CARMIL1: variants seen among roughly 807,000 people sequenced by gnomAD.
CARMIL1 encodes F-actin-uncapping protein LRRC16A.
A neutral mutation model predicts 177.1 loss-of-function variants in CARMIL1; 90 were observed. The ratio of observed to expected loss-of-function variants is 0.51; its 90% CI spans 0.43 to 0.61. The LOEUF (loss-of-function observed/expected upper bound fraction) is 0.61, where lower values mean the gene tolerates loss of function less well. CARMIL1 is among the 20% of genes least tolerant of loss of function. The pLI, the probability that CARMIL1 is intolerant of heterozygous loss-of-function variation, is 0.00. For missense variants in CARMIL1, 1,380 were observed against 1,667.0 expected, an observed-to-expected ratio of 0.83 and a Z score of 3.00; for synonymous variants, 577 against 606.2, an observed-to-expected ratio of 0.95 and a Z score of 0.71.
chr6:25,445,290 C>T (rs903049548), intron 5 of CARMIL1, among the ~76,000 whole-genome samples: 8 of 152,190 alleles, frequency 5.3e-5, no homozygotes, highest in East Asian at 1.9e-4. Context: ...TTGCTGTTTT[C>T]ACCATATCTG....
chr6:25,515,729 A>G lies in CARMIL1; in HGVS notation c.1687A>G (p.Ile563Val), dbSNP rs1221534622. The G allele has an allele frequency of 6.8e-6, 11 of 1,610,392 alleles. No homozygotes were observed. Among genetic ancestry groups the G allele is most frequent in the South Asian group, 3.3e-5 (3 of 89,800 alleles). ...GAAACTCAAGACTGAGGTCACCATC[A>G]TCATCAATGCCCTGGGAAGCAACAC... ...DSKLKTEVTI[I>V]INALGSNTSL... The change falls in exon 21 of 37, where the codon ATC becomes GTC. Residue 563 changes from isoleucine (I) to valine (V), a missense_variant. Coordinates refer to ENST00000329474, the MANE Select transcript of CARMIL1 (RefSeq NM_017640.6). This position sits in a 1 kb window ranked among gnomAD's most constrained non-coding sequence, Gnocchi z 5.0.
Position 25,594,527 on chromosome 6 carries a change from A to C in CARMIL1, c.3119A>C (p.Lys1040Thr), listed in dbSNP as rs1186521347. Reference sequence around the variant, plus strand: ...AAGAAGGTGACCAAAATGGATTCCAAGTGAGTTCAGAGTAATTTCACTGAT... The same window carrying C: ...AAGAAGGTGACCAAAATGGATTCCACGTGAGTTCAGAGTAATTTCACTGAT... Reference protein sequence around the residue: ...FTKKVTKMDSKKWSTRGSESH... With the variant: ...FTKKVTKMDSTKWSTRGSESH... The change falls in exon 32 of 37, where the codon AAG becomes ACG. Residue 1040 changes from lysine to threonine, a missense_variant and splice_region_variant. Physicochemically the swap from Lys to Thr is moderately conservative, Grantham distance 78. Coordinates refer to ENST00000329474, the MANE Select transcript of CARMIL1 (RefSeq NM_017640.6). 1 of 1,541,000 alleles carries C rather than the reference A, an allele frequency of 6.5e-7. No individual in the cohort carries two copies. Among genetic ancestry groups the C allele is most frequent in the African/African-American group, 1.4e-5 (1 of 73,570 alleles).
chr6:25,281,134 GCGCACACACACACA>G (rs1164418278), intron 1 of CARMIL1, among the ~76,000 whole-genome samples: 17 of 67,930 alleles, frequency 2.5e-4, no homozygotes, highest in African/African-American at 1.1e-3. Context: ...GTGTGCGCGC[GCGCACACACACACA>G]CACACACACA....
intron 2 of CARMIL1, chr6:25,383,746 T>C (rs1245199543): frequency 1.3e-5 from 2 of 152,236 alleles, no homozygotes; most frequent in Non-Finnish European, 1.5e-5. Context: ...CTTTGTATTA[T>C]GCAAAACTTC....
At chr6:25,604,584 C>G (rs200046889) in intron 33 of CARMIL1, among the ~76,000 whole-genome samples, 1 of 152,140 alleles carries the variant, frequency 6.6e-6, no homozygotes, top group African/African-American at 2.4e-5. Context: ...GGAACCAAAC[C>G]GGCCACACTT....
chr6:25,368,075 C>T (rs1790028658), intron 2 of CARMIL1, among the ~76,000 whole-genome samples: 1 of 152,186 alleles, frequency 6.6e-6, no homozygotes. Context: ...CAGACCTTTC[C>T]ACGTCAGCTG....
intron 19 of CARMIL1, 25 bp downstream of exon 19, chr6:25,510,631 T>C: frequency 6.6e-7 from 1 of 1,513,138 alleles, no homozygotes. Flanking sequence ...TTTTTTTATA[T>C]GACAATGATG....
chr6:25,300,115 A>T (rs1386510249), intron 2 of CARMIL1, among the ~76,000 whole-genome samples: 1 of 152,098 alleles, frequency 6.6e-6, no homozygotes, highest in Non-Finnish European at 1.5e-5. Flanking sequence ...TATCATATTT[A>T]GCTTCTAGAG....
Position 25,537,928 on chromosome 6 carries a change from A to G in CARMIL1, c.2141A>G (p.Gln714Arg). The change falls in exon 25 of 37, where the codon CAG becomes CGG. Residue 714 changes from glutamine (Q) to arginine (R), a missense_variant. By Grantham distance (43) the Gln-to-Arg change is conservative. Transcript: ENST00000329474. ...SLRNCGGDAI[Q>R]EDLKSAERLM... is the part of the protein sequence containing the mutation. ...CGAAATTGTGGGGGAGACGCTATCC[A>G]GGAAGATTTAAAATCAGCAGAGCGG... 1.2e-6 allele frequency: 2 copies of G among 1,606,948 alleles called. No homozygotes were observed. The highest frequency in any genetic ancestry group is 1.7e-6 in the Non-Finnish European group (2 of 1,176,708).
At chr6:25,540,924 C>T (rs1808827593) in intron 26 of CARMIL1, among the ~76,000 whole-genome samples, 1 of 152,020 alleles carries the variant, frequency 6.6e-6, no homozygotes, top group East Asian at 1.9e-4. Context: ...GAGTTTAATC[C>T]CCTGTCTTCC....
chr6:25,391,133 A>G (rs896436421), intron 2 of CARMIL1, among the ~76,000 whole-genome samples: 8 of 152,276 alleles, frequency 5.3e-5, no homozygotes, highest in African/African-American at 1.9e-4. Context: ...TAATTTAAAG[A>G]TAGCTATTTG....
intron 2 of CARMIL1, among the ~76,000 whole-genome samples, chr6:25,292,925 A>G (rs1647819789): frequency 6.6e-6 from 1 of 152,186 alleles, no homozygotes; most frequent in Non-Finnish European, 1.5e-5. Flanking sequence ...TCATAGTTAT[A>G]AAATAGTTAC....
chr6:25,359,323 G>A (rs946557114), intron 2 of CARMIL1, among the ~76,000 whole-genome samples: 16 of 152,304 alleles, frequency 1.1e-4, no homozygotes, highest in Admixed American at 9.8e-4. Context: ...TCATGACAGG[G>A]CAGGCTGATT....
At chr6:25,428,883 C>A (rs9348678) in intron 4 of CARMIL1, among the ~76,000 whole-genome samples, 15,421 of 152,178 alleles carry the variant, frequency 0.1, 929 homozygotes, top group East Asian at 0.2. Context: ...TATCCTGTAA[C>A]CTGCTATCTT....
chr6:25,317,951 A>G (rs1024971351), intron 2 of CARMIL1, among the ~76,000 whole-genome samples: 5 of 152,168 alleles, frequency 3.3e-5, no homozygotes, highest in Admixed American at 3.3e-4. Flanking sequence ...AGTCATCTCA[A>G]ATTCCTTTTG....
intron 36 of CARMIL1, among the ~76,000 whole-genome samples, chr6:25,613,874 G>A (rs183790758): frequency 6.6e-6 from 1 of 152,304 alleles, no homozygotes; most frequent in East Asian, 1.9e-4. Context: ...GTGTGGCCCA[G>A]CATTCAGGCT....
intron 23 of CARMIL1, among the ~76,000 whole-genome samples, chr6:25,522,969 T>A (rs537296916): frequency 2.8e-4 from 42 of 152,280 alleles, no homozygotes; most frequent in South Asian, 6.2e-4. Flanking sequence ...AGCTAATTTT[T>A]AAAAATTTTT....
chr6:25,341,495 G>T (rs1009221374), intron 2 of CARMIL1, among the ~76,000 whole-genome samples: 1 of 152,172 alleles, frequency 6.6e-6, no homozygotes, highest in Non-Finnish European at 1.5e-5. Context: ...AGGCTGAGGC[G>T]GGTGGATCAC....
chr6:25,554,238 T>C lies in CARMIL1; in HGVS notation c.2592+142T>C, dbSNP rs949681008. 3.1e-6 allele frequency: 2 copies of C among 649,214 alleles called. No individual in the cohort carries two copies. Among genetic ancestry groups the C allele is most frequent in the African/African-American group, 1.8e-5 (1 of 55,436 alleles). 40.2% of individuals were successfully genotyped at this position (649,214 alleles called of 1,614,324 possible). A position where few individuals can be genotyped will look rare whatever the true frequency, so the allele number is the denominator to read the frequency against. On this transcript the variant is annotated intron_variant, in intron 28 of 36. Coordinates refer to ENST00000329474, the MANE Select transcript of CARMIL1 (RefSeq NM_017640.6). The surrounding 1 kb of genome is among the most constrained non-coding windows in gnomAD (Gnocchi z 4.6). ...TGGTTTGTGATCTTGGTTTTCCTCC[T>C]TTCTCTTCTATGTTGCTTCTAGCCA...
Sources: gnomAD v4.1 joint callset for allele counts (sites outside exome capture counted in the v4.1 genomes callset) on GRCh38, gnomAD v4.1.1 for gene constraint, Gnocchi (gnomAD v3.1) non-coding constraint, MANE v1.5 for transcripts, NCBI Gene and HGNC (gene_info 2026-07-23, HGNC 2026-07-21) for gene names.